The following PHLPP1 variants were observed in gnomAD, a reference collection of about 807,000 sequenced individuals.
PHLPP1 encodes PH domain and leucine rich repeat protein phosphatase 1.
PHLPP1 carries 42 observed loss-of-function variants against 117.2 expected under a neutral mutation model. That is an observed-to-expected ratio of 0.36 (90% CI 0.28 to 0.46). The LOEUF (loss-of-function observed/expected upper bound fraction) is 0.46, where lower values mean the gene tolerates loss of function less well. Ranked by LOEUF, PHLPP1 falls within the 20% of genes least tolerant of loss-of-function variation. The pLI is 1.00. For synonymous variants in PHLPP1, 1,042 were observed against 970.7 expected, an observed-to-expected ratio of 1.07 and a Z score of -1.37; for missense variants, 2,084 against 2,241.9, an observed-to-expected ratio of 0.93 and a Z score of 1.42.
intron 14 of PHLPP1, among the ~76,000 whole-genome samples, chr18:62,967,705 CTGTA>C (rs1910943540): frequency 1.3e-5 from 2 of 151,506 alleles, no homozygotes; most frequent in South Asian, 2.1e-4. Context: ...ATTGAGATGA[CTGTA>C]TGGTTTTTTT....
At chr18:62,808,565 T>TGTTTTTTTTTTTTTA (rs1555673587) in intron 1 of PHLPP1, among the ~76,000 whole-genome samples, 2 of 150,802 alleles carry the variant, frequency 1.3e-5, no homozygotes, top group Non-Finnish European at 3.0e-5. Context: ...TTGTTTTTTT[T>TGTTTTTTTTTTTTTA]TTTTGAGACG....
chr18:62,951,677 C>A (rs1044557900), intron 12 of PHLPP1, among the ~76,000 whole-genome samples: 6 of 151,964 alleles, frequency 3.9e-5, no homozygotes, highest in African/African-American at 1.4e-4. Context: ...TTTATCATTT[C>A]TCTTTTTTTT....
At chr18:62,958,970 A>T (rs1011825033) in intron 13 of PHLPP1, among the ~76,000 whole-genome samples, 1 of 152,276 alleles carries the variant, frequency 6.6e-6, no homozygotes, top group Non-Finnish European at 1.5e-5. Flanking sequence ...TGTGACAGTT[A>T]ATGCAAATAT....
chr18:62,732,557 C>T (rs948164790), intron 1 of PHLPP1, among the ~76,000 whole-genome samples: 1 of 152,170 alleles, frequency 6.6e-6, no homozygotes, highest in Non-Finnish European at 1.5e-5. Flanking sequence ...GTTTTCATGC[C>T]TGCTAACACA....
chr18:62,820,405 A>G (rs1914416722), intron 1 of PHLPP1, among the ~76,000 whole-genome samples: 1 of 152,240 alleles, frequency 6.6e-6, no homozygotes, highest in Non-Finnish European at 1.5e-5. Flanking sequence ...TCAAGTACAT[A>G]TGGAACATTG....
At position 62,979,204 on chromosome 18, in the gene PHLPP1, G is replaced by A. The variant is rs1911299905; in HGVS notation, c.4927G>A (p.Ala1643Thr). ...CAATGTGATAGAGGTGGCTACAGAC[G>A]CACCTCTTCGAAAGCCTGGAGGCTA... ...SHNVIEVATDAPLRKPGGYFA... is the reference protein window; with the variant it reads ...SHNVIEVATDTPLRKPGGYFA... Residue 1643 changes from alanine to threonine, a missense_variant, in exon 17 of 17, where the codon GCA becomes ACA. By Grantham distance (58) the Ala-to-Thr change is moderately conservative. Around this residue, in one of 2 missense-constraint regions of PHLPP1, gnomAD observed 1,365 missense variants for 1,605.9 expected, o/e 0.85. Coordinates refer to ENST00000262719, the MANE Select transcript of PHLPP1 (RefSeq NM_194449.4). 19 of 1,611,658 alleles carry A rather than the reference G, an allele frequency of 1.2e-5. No homozygotes were observed. The highest frequency in any genetic ancestry group is 2.2e-5 in the East Asian group (1 of 44,834).
intron 6 of PHLPP1, 116 bp from the exon 7 acceptor site, chr18:62,902,848 G>A (rs1916756776): frequency 1.6e-6 from 1 of 643,124 alleles, no homozygotes; most frequent in Non-Finnish European, 2.7e-6. Context: ...CAAAAATCAT[G>A]GAGAACTATA....
At chr18:62,758,122 A>G (rs1361112892) in intron 1 of PHLPP1, among the ~76,000 whole-genome samples, 2 of 152,232 alleles carry the variant, frequency 1.3e-5, no homozygotes, top group African/African-American at 4.8e-5. Flanking sequence ...ATACATTTAA[A>G]GTTTATTATT....
At chr18:62,896,253 T>G (rs1449925374) in intron 6 of PHLPP1, among the ~76,000 whole-genome samples, 1 of 151,932 alleles carries the variant, frequency 6.6e-6, no homozygotes, top group Non-Finnish European at 1.5e-5. Context: ...AGAGAGCTGT[T>G]TTTTGTTGTT....
intron 8 of PHLPP1, among the ~76,000 whole-genome samples, chr18:62,912,860 A>G (rs1449095841): frequency 6.6e-6 from 1 of 152,158 alleles, no homozygotes; most frequent in African/African-American, 2.4e-5. Context: ...ACCTCAAGTG[A>G]TCCACCCGCC....
chr18:62,971,660 A>G (rs561105935), intron 14 of PHLPP1, among the ~76,000 whole-genome samples: 1 of 135,368 alleles, frequency 7.4e-6, no homozygotes, highest in East Asian at 1.9e-4. Context: ...GCTGGGCGGG[A>G]AGCAGGCTCT....
chr18:62,872,986 C>CAAAAAAA (rs60920082), intron 4 of PHLPP1, among the ~76,000 whole-genome samples: 3 of 54,800 alleles, frequency 5.5e-5, no homozygotes, highest in African/African-American at 1.1e-4. Context: ...AACTCTGCCT[C>CAAAAAAA]AAAAAAAAAA....
At chr18:62,735,365 TA>T (rs1911342904) in intron 1 of PHLPP1, among the ~76,000 whole-genome samples, 1 of 152,114 alleles carries the variant, frequency 6.6e-6, no homozygotes, top group Admixed American at 6.5e-5. Flanking sequence ...ATTATAGACA[TA>T]AGCTACCCTG....
intron 1 of PHLPP1, among the ~76,000 whole-genome samples, chr18:62,749,962 G>A (rs564952244): frequency 2.6e-5 from 4 of 152,304 alleles, no homozygotes; most frequent in South Asian, 4.1e-4. Flanking sequence ...ATTGCAGTGA[G>A]CCAAGATGGC....
intron 1 of PHLPP1, among the ~76,000 whole-genome samples, chr18:62,824,358 A>C (rs1230232579): frequency 6.6e-6 from 1 of 152,194 alleles, no homozygotes; most frequent in African/African-American, 2.4e-5. Flanking sequence ...ATCAATGGTT[A>C]AACTGTGGTA....
intron 4 of PHLPP1, among the ~76,000 whole-genome samples, chr18:62,873,399 C>T (rs765957769): frequency 3.9e-5 from 6 of 152,130 alleles, no homozygotes; most frequent in Non-Finnish European, 8.8e-5. Context: ...AATTAAAATA[C>T]ACTTAAATTG....
In PHLPP1 at chr18:62,830,221, T is replaced by G; in HGVS notation, c.1763T>G (p.Ile588Ser). 1.9e-6 allele frequency: 3 copies of G among 1,555,124 alleles called. No individual in the cohort carries two copies. Among genetic ancestry groups the G allele is most frequent in the Non-Finnish European group, 2.6e-6 (3 of 1,148,604 alleles). Residue 588 changes from isoleucine (I) to serine (S), a missense_variant, in exon 2 of 17, where the codon ATT becomes AGT. This residue lies in a region of PHLPP1 where 1,365 missense variants were observed against 1,605.9 expected (regional missense o/e 0.85). Coordinates refer to ENST00000262719, the MANE Select transcript of PHLPP1 (RefSeq NM_194449.4). ...GGAAAGATGCATGTTCTGCCACTAA[T>G]TGGTGGAAAAGTAAGTTTGTTTGTT... The part of the protein sequence containing the change: ...LTGKMHVLPL[I>S]GGKVEEVKKH...
At chr18:62,935,654 G>A (rs1003433314) in intron 10 of PHLPP1, among the ~76,000 whole-genome samples, 2 of 152,168 alleles carry the variant, frequency 1.3e-5, no homozygotes, top group African/African-American at 4.8e-5. Context: ...TTTCTGCTGA[G>A]AAGAAGGCCT....
intron 1 of PHLPP1, among the ~76,000 whole-genome samples, chr18:62,763,821 A>AT (rs1205213567): frequency 6.6e-6 from 1 of 152,040 alleles, no homozygotes; most frequent in East Asian, 1.9e-4. Context: ...GCAGACCTAG[A>AT]TTCTGTCTCT....
Sources: gnomAD v4.1 joint callset for allele counts (sites outside exome capture counted in the v4.1 genomes callset) on GRCh38, gnomAD v4.1.1 for gene constraint, gnomAD v4.1.1 regional missense constraint, MANE v1.5 for transcripts, NCBI Gene and HGNC (gene_info 2026-07-23, HGNC 2026-07-21) for gene names.